CSMD3: variants seen among roughly 807,000 people sequenced by gnomAD.
CSMD3 encodes CUB and sushi domain-containing protein 3.
Under a neutral mutation model 435.2 loss-of-function variants are expected in CSMD3, and 177 were observed. The ratio of observed to expected loss-of-function variants is 0.41; its 90% confidence interval spans 0.36 to 0.46. The LOEUF is 0.46. Ranked by LOEUF, CSMD3 falls within the 20% of genes least tolerant of loss-of-function variation. The pLI is 0.34. For synonymous variants in CSMD3, 1,656 were observed against 1,520.5 expected (o/e 1.09, Z -2.07); for missense variants, 4,265 against 4,504.6 (o/e 0.95, Z 1.52).
intron 5 of CSMD3, among the ~76,000 whole-genome samples, chr8:113,076,536 G>A (rs1457263521): frequency 6.6e-6 from 1 of 151,948 alleles, no homozygotes; most frequent in Non-Finnish European, 1.5e-5. Context: ...TGTGATTAAT[G>A]TAAAACCCAG....
At chr8:113,033,582 T>TTTTTTGC in intron 5 of CSMD3, among the ~76,000 whole-genome samples, 1 of 151,122 alleles carries the variant, frequency 6.6e-6, no homozygotes, top group South Asian at 2.1e-4. Flanking sequence ...TTTTTTTTTT[T>TTTTTTGC]TTTTGCTTTT....
intron 60 of CSMD3, among the ~76,000 whole-genome samples, 196 bp from the exon 61 acceptor site, chr8:112,264,008 T>G (rs1257628450): frequency 1.3e-5 from 2 of 152,184 alleles, no homozygotes; most frequent in Non-Finnish European, 2.9e-5. Context: ...CAACTTTTTC[T>G]TGGCAACATA....
At chr8:112,892,602 A>G (rs1173691546) in intron 10 of CSMD3, among the ~76,000 whole-genome samples, 2 of 151,528 alleles carry the variant, frequency 1.3e-5, no homozygotes, top group African/African-American at 2.4e-5. Context: ...GGAAACATCA[A>G]CACCTACTGC....
At chr8:113,238,450 G>A (rs1056947367) in intron 3 of CSMD3, among the ~76,000 whole-genome samples, 8 of 152,108 alleles carry the variant, frequency 5.3e-5, no homozygotes, top group African/African-American at 1.9e-4. Flanking sequence ...GATAGATGGG[G>A]ACTTCCTACC....
intron 13 of CSMD3, among the ~76,000 whole-genome samples, chr8:112,703,675 T>G (rs1474558939): frequency 6.6e-6 from 1 of 152,140 alleles, no homozygotes; most frequent in Non-Finnish European, 1.5e-5. Context: ...ACTTGCAGTT[T>G]TGCTGATTCT....
intron 22 of CSMD3, among the ~76,000 whole-genome samples, chr8:112,590,735 G>A (rs113759158): frequency 0.17 from 25,320 of 151,844 alleles, 2,661 homozygotes; most frequent in South Asian, 0.29. Flanking sequence ...AAAATTTTTT[G>A]AGATTTTGGG....
At chr8:113,065,258 A>G (rs2088803377) in intron 5 of CSMD3, among the ~76,000 whole-genome samples, 1 of 152,230 alleles carries the variant, frequency 6.6e-6, no homozygotes, top group Admixed American at 6.5e-5. Flanking sequence ...ATATTAGTTT[A>G]GAGAAGACGT....
intron 23 of CSMD3, among the ~76,000 whole-genome samples, chr8:112,580,494 T>C (rs779445393): frequency 7.4e-5 from 11 of 148,806 alleles, no homozygotes; most frequent in Non-Finnish European, 1.3e-4. Flanking sequence ...GCTTTCTATC[T>C]GGAGCCCAGA....
chr8:112,812,673 C>T (rs1178713307), intron 12 of CSMD3, among the ~76,000 whole-genome samples: 1 of 152,094 alleles, frequency 6.6e-6, no homozygotes, highest in Admixed American at 6.6e-5. Context: ...AACAGATTTG[C>T]TGCCACAGAC....
At chr8:112,407,568 C>T (rs1303838725) in intron 34 of CSMD3, among the ~76,000 whole-genome samples, 1 of 151,922 alleles carries the variant, frequency 6.6e-6, no homozygotes, top group East Asian at 1.9e-4. Flanking sequence ...TAATACCACA[C>T]ATTGTTTCCA....
chr8:112,964,246 T>A (rs1486752713), intron 7 of CSMD3, among the ~76,000 whole-genome samples: 1 of 151,976 alleles, frequency 6.6e-6, no homozygotes, highest in South Asian at 2.1e-4. Flanking sequence ...TGACTATAGA[T>A]AACATAATTC....
Position 113,176,904 on chromosome 8 carries a change from A to T in CSMD3, c.515-2988T>A, listed in dbSNP as rs73344384. 3.5e-3 allele frequency among the ~76,000 whole-genome samples: 540 copies of T among 152,122 alleles called. 3 individuals carry two copies. Among genetic ancestry groups the T allele is most frequent in the African/African-American group, 0.012 (503 of 41,558 alleles). On this transcript the variant is annotated intron_variant, in intron 3 of 70. Coordinates refer to ENST00000297405, the MANE Select transcript of CSMD3 (RefSeq NM_198123.2). ...GGACATATACCCAAACTTAAAAAAA[A>T]AAATAAAGTATGTTTAAAAAAGAAA...
rs141692532 is a variant in CSMD3 at position 112,509,262 on chromosome 8, G to A, written c.4757-2433C>T. ...GTGCTGCCACATGCAGCTAATCTTT[G>A]TATTTTTGGAGAGACAGAGTTTTGC... On this transcript the variant is annotated intron_variant, in intron 28 of 70. Transcript: ENST00000297405. Among the ~76,000 whole-genome samples, 542 of 152,042 alleles carry A rather than the reference G, an allele frequency of 3.6e-3. 1 individual carries two copies. Among genetic ancestry groups the A allele is most frequent in the African/African-American group, 0.013 (520 of 41,498 alleles).
At chr8:112,352,674 C>G (rs1421987885) in intron 38 of CSMD3, 140 bp from the exon 39 acceptor site, 7 of 742,458 alleles carry the variant, frequency 9.4e-6, no homozygotes, top group African/African-American at 1.7e-5. Context: ...GTTCTGTGAA[C>G]AAGATTTAAC....
chr8:113,014,426 G>C (rs2086375342), intron 6 of CSMD3, among the ~76,000 whole-genome samples: 1 of 151,920 alleles, frequency 6.6e-6, no homozygotes, highest in Non-Finnish European at 1.5e-5. Flanking sequence ...TGGTGGGGCT[G>C]ATTGGCAGCC....
chr8:112,659,591 A>G (rs538354870), intron 17 of CSMD3, among the ~76,000 whole-genome samples: 19 of 152,278 alleles, frequency 1.2e-4, no homozygotes, highest in African/African-American at 4.6e-4. Context: ...AGGAACCGAA[A>G]AATACACTTT....
At chr8:113,023,521 A>T (rs1013908082) in intron 5 of CSMD3, among the ~76,000 whole-genome samples, 2 of 152,010 alleles carry the variant, frequency 1.3e-5, no homozygotes, top group Admixed American at 6.6e-5. Flanking sequence ...AATCTTCATG[A>T]ATGTTCTTTA....
At chr8:112,444,715 T>C (rs10109807) in intron 32 of CSMD3, among the ~76,000 whole-genome samples, 34,724 of 151,712 alleles carry the variant, frequency 0.23, 4,246 homozygotes, top group East Asian at 0.39. Flanking sequence ...GAAGGGAGAG[T>C]TGGGGAAGCT....
At chr8:112,258,178 T>A (rs2130315016) in intron 61 of CSMD3, among the ~76,000 whole-genome samples, 1 of 152,308 alleles carries the variant, frequency 6.6e-6, no homozygotes, top group South Asian at 2.1e-4. Flanking sequence ...ATAAAAATCC[T>A]ACAAGAAAAC....
Sources: allele counts gnomAD v4.1 joint callset (sites outside exome capture counted in the v4.1 genomes callset), GRCh38; gene constraint gnomAD v4.1.1; transcripts MANE v1.5; gene names NCBI Gene and HGNC (gene_info 2026-07-23, HGNC 2026-07-21).